Variants in KCNB2 observed in about 807,000 individuals in gnomAD.
KCNB2 encodes potassium voltage-gated channel subfamily B member 2.
A neutral mutation model predicts 61.5 loss-of-function variants in KCNB2; 15 were observed. The ratio of observed to expected loss-of-function variants is 0.24; its 90% CI spans 0.16 to 0.38. The LOEUF (loss-of-function observed/expected upper bound fraction) is 0.38, where lower values mean the gene tolerates loss of function less well. Among genes scored for constraint, KCNB2 ranks in the 10% least tolerant of loss-of-function variants. KCNB2 has a pLI of 1.00. For synonymous variants in KCNB2, 457 were observed against 446.0 expected (o/e 1.02, Z -0.31); for missense variants, 828 against 1,125.2 (o/e 0.74, Z 3.78).
chr8:72,596,891 A>AT (rs925258102), intron 2 of KCNB2, among the ~76,000 whole-genome samples: 2 of 147,046 alleles, frequency 1.4e-5, no homozygotes, highest in African/African-American at 5.1e-5. Flanking sequence ...CCTCCTAAGG[A>AT]TTTTCTGCTG....
At chr8:72,732,386 T>C (rs1807760929) in intron 2 of KCNB2, among the ~76,000 whole-genome samples, 1 of 152,132 alleles carries the variant, frequency 6.6e-6, no homozygotes, top group African/African-American at 2.4e-5. Flanking sequence ...GTGTAGTGAG[T>C]CTTCACTCCT....
chr8:72,735,340 A>G (rs1275729314), intron 2 of KCNB2, among the ~76,000 whole-genome samples: 1 of 152,194 alleles, frequency 6.6e-6, no homozygotes, highest in Non-Finnish European at 1.5e-5. Context: ...CATTTCCCAG[A>G]AAGACATTAT....
intron 2 of KCNB2, among the ~76,000 whole-genome samples, chr8:72,605,592 A>G (rs1009873814): frequency 4.6e-5 from 7 of 152,186 alleles, no homozygotes; most frequent in Admixed American, 2.6e-4. Flanking sequence ...GTTAGATGTT[A>G]CAGTTATACA....
intron 2 of KCNB2, among the ~76,000 whole-genome samples, chr8:72,831,619 T>C (rs541419506): frequency 6.6e-6 from 1 of 152,362 alleles, no homozygotes; most frequent in South Asian, 2.1e-4. Context: ...ATCAAACTAA[T>C]GTACATTTAT....
chr8:72,562,451 C>T (rs1806552634), intron 1 of KCNB2, among the ~76,000 whole-genome samples: 1 of 152,150 alleles, frequency 6.6e-6, no homozygotes, highest in African/African-American at 2.4e-5. Context: ...GTTTACAGAG[C>T]TGCTTTTTTT....
At chr8:72,815,477 G>A (rs1809381461) in intron 2 of KCNB2, among the ~76,000 whole-genome samples, 1 of 152,074 alleles carries the variant, frequency 6.6e-6, no homozygotes, top group African/African-American at 2.4e-5. Flanking sequence ...ATTCCCCATA[G>A]ACTATGCACT....
At chr8:72,614,223 A>G (rs566833867) in intron 2 of KCNB2, among the ~76,000 whole-genome samples, 29 of 152,314 alleles carry the variant, frequency 1.9e-4, no homozygotes, top group African/African-American at 5.8e-4. Flanking sequence ...TATTGATTGG[A>G]TGCCAAACAG....
chr8:72,680,040 GT>G (rs1453535180), intron 2 of KCNB2, among the ~76,000 whole-genome samples: 1 of 152,122 alleles, frequency 6.6e-6, no homozygotes, highest in Non-Finnish European at 1.5e-5. Context: ...TTATACCCAA[GT>G]TTTACTATGG....
chr8:72,907,178 G>C (rs570780582), intron 2 of KCNB2, among the ~76,000 whole-genome samples: 29 of 152,176 alleles, frequency 1.9e-4, no homozygotes, highest in Non-Finnish European at 4.3e-4. Flanking sequence ...CCAACATGGT[G>C]AAACCCCGTC....
intron 2 of KCNB2, among the ~76,000 whole-genome samples, chr8:72,905,449 G>C (rs1161307890): frequency 6.6e-6 from 1 of 150,572 alleles, no homozygotes; most frequent in Non-Finnish European, 1.5e-5. Context: ...AGAAATATTT[G>C]TGCACTAAAA....
intron 2 of KCNB2, among the ~76,000 whole-genome samples, chr8:72,803,089 A>C (rs1809157919): frequency 6.6e-6 from 1 of 152,178 alleles, no homozygotes; most frequent in Admixed American, 6.5e-5. Context: ...CTCTGTGTCC[A>C]TGGTCTCGAC....
At chr8:72,681,777 G>A (rs1282675827) in intron 2 of KCNB2, among the ~76,000 whole-genome samples, 1 of 152,154 alleles carries the variant, frequency 6.6e-6, no homozygotes, top group Non-Finnish European at 1.5e-5. Context: ...AATGCATTAT[G>A]CTAGGACATT....
chr8:72,575,862 A>G (rs1195845475), intron 2 of KCNB2, among the ~76,000 whole-genome samples: 1 of 152,208 alleles, frequency 6.6e-6, no homozygotes, highest in Non-Finnish European at 1.5e-5. Flanking sequence ...ACAAATGACA[A>G]TCCTATAATT....
intron 2 of KCNB2, among the ~76,000 whole-genome samples, chr8:72,655,990 A>G (rs963239244): frequency 6.6e-6 from 1 of 152,266 alleles, no homozygotes; most frequent in Non-Finnish European, 1.5e-5. Flanking sequence ...AGGTCAAGAA[A>G]GGTTTCTTAG....
intron 2 of KCNB2, among the ~76,000 whole-genome samples, chr8:72,747,049 A>G (rs1300274910): frequency 6.6e-6 from 1 of 152,128 alleles, no homozygotes; most frequent in African/African-American, 2.4e-5. Context: ...GACAACCGAC[A>G]TGGAAATGAT....
intron 2 of KCNB2, among the ~76,000 whole-genome samples, chr8:72,830,986 A>T (rs1809684328): frequency 6.6e-6 from 1 of 152,216 alleles, no homozygotes; most frequent in South Asian, 2.1e-4. Context: ...AATTTTGAGC[A>T]ATTTCTGTTT....
At chr8:72,617,435 G>A (rs920237537) in intron 2 of KCNB2, among the ~76,000 whole-genome samples, 22 of 152,138 alleles carry the variant, frequency 1.4e-4, no homozygotes, top group African/African-American at 4.8e-4. Context: ...CAAATCAGAT[G>A]TTCTGCCTTC....
intron 2 of KCNB2, among the ~76,000 whole-genome samples, chr8:72,622,336 C>T: frequency 6.6e-6 from 1 of 152,188 alleles, no homozygotes; most frequent in East Asian, 1.9e-4. Flanking sequence ...CACAGTCTTT[C>T]ACTGTAATCC....
intron 2 of KCNB2, among the ~76,000 whole-genome samples, chr8:72,907,040 A>G (rs10087482): frequency 0.59 from 89,599 of 152,048 alleles, 27,737 homozygotes; most frequent in Middle Eastern, 0.71. Context: ...TATCCTTGAT[A>G]AATAAAACCA....
Sources: allele counts gnomAD v4.1 joint callset (sites outside exome capture counted in the v4.1 genomes callset), GRCh38; gene constraint gnomAD v4.1.1; transcripts MANE v1.5; gene names NCBI Gene and HGNC (gene_info 2026-07-23, HGNC 2026-07-21).